Variants in MGAT5B observed in about 807,000 individuals in gnomAD.
MGAT5B encodes alpha-1,6-mannosylglycoprotein 6-beta-N-acetylglucosaminyltransferase B, also known as N-acetylglucosaminyl-transferase Vb.
Under a neutral mutation model 95.1 loss-of-function variants are expected in MGAT5B, and 54 were observed. That is an observed-to-expected ratio of 0.57 (90% CI 0.46 to 0.71). The LOEUF (loss-of-function observed/expected upper bound fraction) is 0.71, where lower values mean the gene tolerates loss of function less well. Ranked by LOEUF, MGAT5B falls within the 30% of genes least tolerant of loss-of-function variation. The probability of loss-of-function intolerance (pLI) is 0.00; values close to 1 mark genes in which losing one functional copy is unlikely to be tolerated. For synonymous variants in MGAT5B, 464 were observed against 451.0 expected, an observed-to-expected ratio of 1.03 and a Z score of -0.36; for missense variants, 935 against 1,088.6, an observed-to-expected ratio of 0.86 and a Z score of 1.99.
chr17:76,949,131 G>T lies in MGAT5B; in HGVS notation c.*293G>T. 2.4e-6 allele frequency: 1 copy of T among 419,798 alleles called. No homozygotes were observed. Among genetic ancestry groups the T allele is most frequent in the Non-Finnish European group, 4.3e-6 (1 of 232,720 alleles). The allele number at this position is 419,798 out of a possible 1,614,324, so 26.0% of individuals were successfully genotyped here. The stretch of plus-strand genomic sequence containing the variant: ...TCAGAGTCCGCATGGCCCAGGAGCA[G>T]GTGGTCGGAGGCCCCTGGCTTTGTG... On this transcript the variant is annotated 3_prime_UTR_variant, in exon 18 of 18. Coordinates refer to ENST00000569840, the MANE Select transcript of MGAT5B (RefSeq NM_001199172.2).
chr17:76,939,346 C>T (rs1969791432), intron 13 of MGAT5B, among the ~76,000 whole-genome samples: 1 of 151,710 alleles, frequency 6.6e-6, no homozygotes. Flanking sequence ...AAAATACAAA[C>T]AAACAAACAA....
At chr17:76,903,873 C>G (rs1399646391) in intron 5 of MGAT5B, among the ~76,000 whole-genome samples, 2 of 152,236 alleles carry the variant, frequency 1.3e-5, no homozygotes, top group African/African-American at 4.8e-5. Context: ...CTGGCTCCAG[C>G]CCTGGCCGCC....
Position 76,902,546 on chromosome 17 carries a change from C to G in MGAT5B, c.330-9C>G, listed in dbSNP as rs746482042. Reference sequence around the variant, plus strand: ...GTTCTGTGGCTCACCTCTGGCTTTTCCCACTTAGGATGCCCCCTGGGGCCG... The same window carrying G: ...GTTCTGTGGCTCACCTCTGGCTTTTGCCACTTAGGATGCCCCCTGGGGCCG... On this transcript the variant is annotated splice_polypyrimidine_tract_variant and intron_variant, in intron 3 of 17. Coordinates refer to ENST00000569840, the MANE Select transcript of MGAT5B (RefSeq NM_001199172.2). The G allele has an allele frequency of 6.4e-7, 1 of 1,570,456 alleles. No homozygotes were observed. The highest frequency in any genetic ancestry group is 1.2e-5 in the South Asian group (1 of 85,716).
chr17:76,895,018 A>G (rs1192948113), intron 3 of MGAT5B, among the ~76,000 whole-genome samples: 1 of 152,162 alleles, frequency 6.6e-6, no homozygotes, highest in Non-Finnish European at 1.5e-5. Flanking sequence ...CTGGCTGCAC[A>G]GCAGGAAGTG....
At position 76,904,336 on chromosome 17, in the gene MGAT5B, A is replaced by C. The variant is rs1206508666; in HGVS notation, c.604A>C (p.Ser202Arg). The change falls in exon 6 of 18, where the codon AGT (serine) becomes CGT (arginine). Residue 202 changes from serine (S) to arginine (R), a missense_variant. Physicochemically the swap from Ser to Arg is moderately radical, Grantham distance 110 (BLOSUM62 -1). This residue lies in a region of MGAT5B where 243 missense variants were observed against 305.5 expected (regional missense o/e 0.80). Transcript: ENST00000569840. ...CGAGTGCTCCTTCCTCATCTACCTC[A>C]GTGAGGTCGAGTGGTTCTGCCCCCC... is the stretch of plus-strand genomic sequence containing the variant. ...GTECSFLIYLSEVEWFCPPLP... is the reference protein window; with the variant it reads ...GTECSFLIYLREVEWFCPPLP... 1 of 1,601,696 alleles carries C rather than the reference A, an allele frequency of 6.2e-7. No individual in the cohort carries two copies. Among genetic ancestry groups the C allele is most frequent in the East Asian group, 2.3e-5 (1 of 44,420 alleles).
intron 15 of MGAT5B, among the ~76,000 whole-genome samples, chr17:76,941,630 C>T (rs556310768): frequency 4.5e-4 from 69 of 152,336 alleles, no homozygotes; most frequent in African/African-American, 1.5e-3. Context: ...GAGGCCGAGG[C>T]GGGCAGCTCA....
intron 12 of MGAT5B, 134 bp downstream of exon 12, chr17:76,933,431 C>A: frequency 8.6e-7 from 1 of 1,167,688 alleles, no homozygotes; most frequent in Non-Finnish European, 1.2e-6. Context: ...TGTGGATGGA[C>A]CAAGGTGGGG....
intron 13 of MGAT5B, among the ~76,000 whole-genome samples, chr17:76,939,891 A>G (rs529111866): frequency 6.6e-6 from 1 of 152,184 alleles, no homozygotes; most frequent in Non-Finnish European, 1.5e-5. Flanking sequence ...TATGGTGTCT[A>G]TGTACCATAC....
In MGAT5B at chr17:76,926,722, C is replaced by T; in HGVS notation, c.1283C>T (p.Thr428Ile). 1 of 1,612,684 alleles carries T rather than the reference C, an allele frequency of 6.2e-7. No individual in the cohort carries two copies. The highest frequency in any genetic ancestry group is 1.1e-5 in the South Asian group (1 of 91,074). ...AACCTCAACCCCAAGCAGTTCATGA[C>T]CATGTTTCGTGAGTGCCCCACAGGG... ...YWNLNPKQFM[T>I]MFPHTPDNSF... Residue 428 changes from threonine (T) to isoleucine (I), a missense_variant, in exon 10 of 18, where the codon ACC becomes ATC. By Grantham distance (89) the Thr-to-Ile change is moderately conservative. Coordinates refer to ENST00000569840, the MANE Select transcript of MGAT5B (RefSeq NM_001199172.2).
chr17:76,940,760 A>G lies in MGAT5B; in HGVS notation c.1760A>G (p.Asn587Ser), dbSNP rs765963643. Residue 587 changes from asparagine to serine, a missense_variant, in exon 15 of 18, where the codon AAC (asparagine) becomes AGC (serine). By Grantham distance (46) the Asn-to-Ser change is conservative. Around this residue, in one of 4 missense-constraint regions of MGAT5B, gnomAD observed 440 missense variants for 523.6 expected, o/e 0.84. Coordinates refer to ENST00000569840, the MANE Select transcript of MGAT5B (RefSeq NM_001199172.2). The surrounding 1 kb of genome is among the most constrained non-coding windows in gnomAD (Gnocchi z 4.3). ...TTCTCCCAGCATCCCTACGCGGAGA[A>G]CTTCATCGGCAAGCCCCACGTGTGG... ...EVFSQHPYAE[N>S]FIGKPHVWTV... The G allele has an allele frequency of 6.2e-7, 1 of 1,614,030 alleles. No homozygotes were observed. Among genetic ancestry groups the G allele is most frequent in the Non-Finnish European group, 8.5e-7 (1 of 1,180,006 alleles).
At chr17:76,875,824 A>G (rs1222033932) in intron 2 of MGAT5B, among the ~76,000 whole-genome samples, 1 of 151,828 alleles carries the variant, frequency 6.6e-6, no homozygotes, top group African/African-American at 2.4e-5. Flanking sequence ...AAACATACGT[A>G]GGCATTTCTG....
chr17:76,885,177 C>T (rs1370379076), intron 3 of MGAT5B, among the ~76,000 whole-genome samples: 1 of 152,184 alleles, frequency 6.6e-6, no homozygotes, highest in Non-Finnish European at 1.5e-5. Flanking sequence ...TGGAAATCCC[C>T]CTGAGGCATG....
At chr17:76,947,495 G>A (rs914414677) in intron 16 of MGAT5B, among the ~76,000 whole-genome samples, 5 of 152,100 alleles carry the variant, frequency 3.3e-5, no homozygotes, top group African/African-American at 7.2e-5. Context: ...GGGCTCGTGG[G>A]CCCCAGGGTA....
At chr17:76,913,754 G>C (rs1448313767) in intron 8 of MGAT5B, 3 of 490,538 alleles carry the variant, frequency 6.1e-6, no homozygotes, top group Non-Finnish European at 8.1e-6. Flanking sequence ...AGGAGATGTG[G>C]CCAGCAACAC....
intron 1 of MGAT5B, 40 bp from the exon 2 acceptor site, chr17:76,872,811 C>T: frequency 6.2e-7 from 1 of 1,614,088 alleles, no homozygotes; most frequent in Non-Finnish European, 8.5e-7. Flanking sequence ...GGCACGATGG[C>T]CCTTCCTGCC....
chr17:76,924,907 G>A (rs1476717834), intron 8 of MGAT5B, 59 bp from the exon 9 acceptor site: 6 of 1,600,542 alleles, frequency 3.7e-6, no homozygotes, highest in Non-Finnish European at 5.1e-6. Flanking sequence ...AGGAACTGGG[G>A]TGGCCGGTTG....
chr17:76,871,057 T>C (rs1966993115), intron 1 of MGAT5B, among the ~76,000 whole-genome samples: 2 of 151,996 alleles, frequency 1.3e-5, no homozygotes, highest in African/African-American at 4.8e-5. Flanking sequence ...CATAGCAGGG[T>C]TGTTGGATCC....
chr17:76,935,858 ATATTATATAC>A (rs538811986), intron 12 of MGAT5B, among the ~76,000 whole-genome samples: 20,786 of 98,126 alleles, frequency 0.21, 2,000 homozygotes, highest in East Asian at 0.4. Context: ...TATACTATAT[ATATTATATAC>A]ATTATATATA....
chr17:76,884,533 G>C (rs771723), intron 3 of MGAT5B, among the ~76,000 whole-genome samples: 1 of 151,270 alleles, frequency 6.6e-6, no homozygotes, highest in African/African-American at 2.4e-5. Context: ...TCCTGGGTTC[G>C]AGCAATTCTT....
Sources: allele counts gnomAD v4.1 joint callset (sites outside exome capture counted in the v4.1 genomes callset), GRCh38; gene constraint gnomAD v4.1.1; regional missense constraint gnomAD v4.1.1; non-coding constraint Gnocchi (gnomAD v3.1); transcripts MANE v1.5; gene names NCBI Gene and HGNC (gene_info 2026-07-23, HGNC 2026-07-21).